ZBTB7C: variants seen among roughly 807,000 people sequenced by gnomAD.
ZBTB7C encodes zinc finger and BTB domain-containing protein 7C.
ZBTB7C carries 8 observed loss-of-function variants against 25.7 expected under a neutral mutation model. The ratio of observed to expected loss-of-function variants is 0.31; its 90% CI spans 0.18 to 0.56. ZBTB7C has a LOEUF of 0.56. Ranked by LOEUF, ZBTB7C falls within the 20% of genes least tolerant of loss-of-function variation. The pLI, the probability that ZBTB7C is intolerant of heterozygous loss-of-function variation, is 0.91. For missense variants in ZBTB7C, 824 were observed against 855.2 expected (o/e 0.96, Z 0.46); for synonymous variants, 394 against 369.0 (o/e 1.07, Z -0.78).
At chr18:48,282,364 T>C (rs1468911729) in intron 2 of ZBTB7C, among the ~76,000 whole-genome samples, 1 of 148,688 alleles carries the variant, frequency 6.7e-6, no homozygotes, top group Non-Finnish European at 1.5e-5. Context: ...TAATGCTAAA[T>C]GACGAGTTAA....
At chr18:48,390,993 G>A (rs913391050) in intron 1 of ZBTB7C, among the ~76,000 whole-genome samples, 5 of 152,176 alleles carry the variant, frequency 3.3e-5, no homozygotes, top group African/African-American at 1.2e-4. Flanking sequence ...CACTGAGCTG[G>A]CTGCAGCAGA....
chr18:48,146,418 T>A (rs534646965), intron 3 of ZBTB7C, among the ~76,000 whole-genome samples: 1 of 152,368 alleles, frequency 6.6e-6, no homozygotes, highest in African/African-American at 2.4e-5. Context: ...TTTGGCTACT[T>A]ATTTTTATAT....
intron 2 of ZBTB7C, among the ~76,000 whole-genome samples, chr18:48,287,022 CA>C (rs143883224): frequency 6.6e-6 from 1 of 151,486 alleles, no homozygotes; most frequent in Non-Finnish European, 1.5e-5. Context: ...CAAACAAAAA[CA>C]AAAAAAACTG....
chr18:48,031,458 ATATCC>A (rs1486861411), intron 4 of ZBTB7C, among the ~76,000 whole-genome samples: 1 of 152,152 alleles, frequency 6.6e-6, no homozygotes, highest in Non-Finnish European at 1.5e-5. Flanking sequence ...CTCTGCTGTG[ATATCC>A]CACCCCCTAC....
intron 1 of ZBTB7C, among the ~76,000 whole-genome samples, chr18:48,369,485 A>G (rs1211774754): frequency 6.6e-6 from 1 of 152,142 alleles, no homozygotes; most frequent in South Asian, 2.1e-4. Flanking sequence ...ATTTAAAAAC[A>G]TGACTCTGTC....
At chr18:48,103,079 T>A (rs2038894106) in intron 3 of ZBTB7C, among the ~76,000 whole-genome samples, 1 of 134,354 alleles carries the variant, frequency 7.4e-6, no homozygotes, top group African/African-American at 2.9e-5. Flanking sequence ...TATTTTATAT[T>A]ATATATATCT....
chr18:48,299,063 G>A (rs75706586), intron 2 of ZBTB7C, among the ~76,000 whole-genome samples: 2,626 of 152,228 alleles, frequency 0.017, 28 homozygotes, highest in Non-Finnish European at 0.022. Flanking sequence ...ACCCACAGAG[G>A]TCCCAACCCT....
intron 2 of ZBTB7C, among the ~76,000 whole-genome samples, chr18:48,329,208 T>C (rs1415292593): frequency 1.3e-5 from 2 of 152,192 alleles, no homozygotes; most frequent in Non-Finnish European, 2.9e-5. Flanking sequence ...TTAACAAGTA[T>C]TATTAAACCT....
chr18:48,036,653 G>A (rs968686021), intron 4 of ZBTB7C, among the ~76,000 whole-genome samples: 2 of 152,214 alleles, frequency 1.3e-5, no homozygotes, highest in Admixed American at 1.3e-4. Context: ...GGTCCTTGCT[G>A]CGGGGACAAG....
intron 3 of ZBTB7C, among the ~76,000 whole-genome samples, chr18:48,152,420 A>G (rs2040707770): frequency 6.6e-6 from 1 of 152,232 alleles, no homozygotes; most frequent in East Asian, 1.9e-4. Flanking sequence ...ATGGTAGGGA[A>G]AGATAAAATA....
intron 3 of ZBTB7C, among the ~76,000 whole-genome samples, chr18:48,090,280 G>A (rs569238791): frequency 8.1e-4 from 124 of 152,346 alleles, no homozygotes; most frequent in Non-Finnish European, 1.2e-3. Context: ...CACGGGTGGC[G>A]TGTGTGTGGC....
At chr18:48,246,738 A>G (rs1485772501) in intron 2 of ZBTB7C, among the ~76,000 whole-genome samples, 3 of 152,050 alleles carry the variant, frequency 2.0e-5, no homozygotes. Flanking sequence ...GAGACACCAT[A>G]TCGTACTTGA....
At chr18:48,244,056 C>G (rs1050925862) in intron 2 of ZBTB7C, among the ~76,000 whole-genome samples, 1 of 152,098 alleles carries the variant, frequency 6.6e-6, no homozygotes, top group South Asian at 2.1e-4. Flanking sequence ...ATCTAAGACT[C>G]AAAACTGTAA....
intron 2 of ZBTB7C, among the ~76,000 whole-genome samples, chr18:48,196,249 C>T (rs1369649849): frequency 1.3e-5 from 2 of 152,196 alleles, no homozygotes; most frequent in African/African-American, 4.8e-5. Flanking sequence ...GCTGCTTCTT[C>T]CCTACTCCAC....
chr18:48,205,019 A>AG (rs1284025138), intron 2 of ZBTB7C, among the ~76,000 whole-genome samples: 3 of 152,012 alleles, frequency 2.0e-5, no homozygotes, highest in African/African-American at 7.2e-5. Flanking sequence ...AGCAATCTTG[A>AG]GGGGGGTTAT....
chr18:48,322,209 GC>G (rs2046112300), intron 2 of ZBTB7C, among the ~76,000 whole-genome samples: 1 of 152,120 alleles, frequency 6.6e-6, no homozygotes, highest in African/African-American at 2.4e-5. Flanking sequence ...TAAACCCTAA[GC>G]AGGATTTCTC....
intron 3 of ZBTB7C, among the ~76,000 whole-genome samples, chr18:48,101,325 G>A (rs1000565396): frequency 1.2e-4 from 19 of 152,202 alleles, no homozygotes; most frequent in South Asian, 2.1e-4. Context: ...TGAGCCACAC[G>A]CATAATTGTA....
chr18:48,250,405 T>C (rs1035155275), intron 2 of ZBTB7C, among the ~76,000 whole-genome samples: 4 of 152,128 alleles, frequency 2.6e-5, no homozygotes, highest in African/African-American at 9.7e-5. Context: ...GAAAAGCCCC[T>C]ACCTCACAGC....
chr18:48,176,607 G>A (rs2041684844), intron 3 of ZBTB7C, among the ~76,000 whole-genome samples: 1 of 141,470 alleles, frequency 7.1e-6, no homozygotes, highest in African/African-American at 2.8e-5. Context: ...AAATGGTTCA[G>A]GAAATACACG....
Sources: gnomAD v4.1 joint callset for allele counts (sites outside exome capture counted in the v4.1 genomes callset) on GRCh38, gnomAD v4.1.1 for gene constraint, MANE v1.5 for transcripts, NCBI Gene and HGNC (gene_info 2026-07-23, HGNC 2026-07-21) for gene names.